Variants in SPTLC1 observed in about 807,000 individuals in gnomAD.
The protein encoded by SPTLC1 is serine palmitoyltransferase 1.
SPTLC1 carries 55 observed loss-of-function variants against 68.9 expected under a neutral mutation model. That is an observed-to-expected ratio of 0.80 (90% CI 0.64 to 1.00). The LOEUF is 1.00. SPTLC1 is among the 50% of genes least tolerant of loss of function. The pLI, the probability that SPTLC1 is intolerant of heterozygous loss-of-function variation, is 0.00. For synonymous variants in SPTLC1, 197 were observed against 201.6 expected (o/e 0.98, Z 0.19); for missense variants, 449 against 573.1 (o/e 0.78, Z 2.21).
chr9:92,037,711 A>G lies in SPTLC1; in HGVS notation c.1254+537T>C, dbSNP rs1056070157. Among the ~76,000 whole-genome samples the G allele has an allele frequency of 5.3e-5, 8 of 152,310 alleles. No homozygotes were observed. In the East Asian group the frequency reaches 1.5e-3, roughly 29 times the overall value. On this transcript the variant is annotated intron_variant, in intron 13 of 14. Coordinates refer to ENST00000262554, the MANE Select transcript of SPTLC1 (RefSeq NM_006415.4). ...TTAGTAGTAAAATAACTTTTGGAAG[A>G]TAAAGAAATTTAAATAAATCTCCCC...
intron 3 of SPTLC1, among the ~76,000 whole-genome samples, chr9:92,089,227 A>G (rs1479269054): frequency 6.6e-6 from 1 of 152,172 alleles, no homozygotes; most frequent in Non-Finnish European, 1.5e-5. Context: ...CCTGACCAAC[A>G]TGGTGAGACC....
At chr9:92,104,356 T>C in intron 3 of SPTLC1, 2 of 1,390,800 alleles carry the variant, frequency 1.4e-6, no homozygotes, top group East Asian at 2.6e-5. Flanking sequence ...CTGGGGCCGT[T>C]TCCCACTCCT....
intron 6 of SPTLC1, among the ~76,000 whole-genome samples, chr9:92,066,851 G>A (rs1834302493): frequency 6.6e-6 from 1 of 151,298 alleles, no homozygotes; most frequent in Non-Finnish European, 1.5e-5. Flanking sequence ...TTGGTGGTGG[G>A]TGCCTGTGGT....
At chr9:92,039,655 C>T (rs182133209) in intron 12 of SPTLC1, among the ~76,000 whole-genome samples, 179 of 152,182 alleles carry the variant, frequency 1.2e-3, no homozygotes, top group Non-Finnish European at 2.2e-3. Context: ...TCACCTAAAA[C>T]GATTTGTTTT....
intron 5 of SPTLC1, among the ~76,000 whole-genome samples, chr9:92,078,485 G>A (rs1310726410): frequency 6.6e-6 from 1 of 152,138 alleles, no homozygotes; most frequent in East Asian, 1.9e-4. Context: ...TTTTGAGATG[G>A]TCTCACTCTG....
At chr9:92,049,548 T>TATATAGA (rs1833637034) in intron 9 of SPTLC1, among the ~76,000 whole-genome samples, 1 of 152,174 alleles carries the variant, frequency 6.6e-6, no homozygotes, top group South Asian at 2.1e-4. Context: ...ACAAACACAT[T>TATATAGA]ATATAGAATA....
rs571974805 is a variant in SPTLC1, at chr9:92,087,953, G to A, written c.261-6990C>T. On this transcript the variant is annotated intron_variant, in intron 3 of 14. Transcript: ENST00000262554. ...ACCTAAGCAAGCCTGGGCAATGGCGGGCGCCCCTCTCCCGGCCTCGCTGCC... is the reference window on the plus strand; with the variant it reads ...ACCTAAGCAAGCCTGGGCAATGGCGAGCGCCCCTCTCCCGGCCTCGCTGCC... 2.0e-5 allele frequency among the ~76,000 whole-genome samples: 3 copies of A among 152,374 alleles called. No homozygotes were observed. The South Asian group carries it at 6.2e-4, about 32-fold the overall frequency.
chr9:92,041,028 C>T (rs1193318635), intron 12 of SPTLC1, among the ~76,000 whole-genome samples: 1 of 152,140 alleles, frequency 6.6e-6, no homozygotes, highest in Non-Finnish European at 1.5e-5. Flanking sequence ...TCATCTTATC[C>T]CAGTGGATAA....
chr9:92,052,534 ATT>A (rs201242481), intron 8 of SPTLC1, among the ~76,000 whole-genome samples: 1 of 147,474 alleles, frequency 6.8e-6, no homozygotes, highest in Non-Finnish European at 1.5e-5. Context: ...TATTATTATT[ATT>A]TTTTTTTTTT....
rs1460168902 is a variant in SPTLC1 at position 92,038,229 on chromosome 9, C to G, written c.1254+19G>C. 1 of 1,550,320 alleles carries G rather than the reference C, an allele frequency of 6.5e-7. No individual in the cohort carries two copies. Among genetic ancestry groups the G allele is most frequent in the Non-Finnish European group, 8.9e-7 (1 of 1,121,888 alleles). ...GCAGAAGTGGTGTGGGGGGATGCCT[C>G]AAGTCAACGGATACTTACTTGATCT... is the stretch of plus-strand genomic sequence containing the variant. On this transcript the variant is annotated intron_variant, in intron 13 of 14. Coordinates refer to ENST00000262554, the MANE Select transcript of SPTLC1 (RefSeq NM_006415.4).
At chr9:92,106,472 CAAAAAAA>C (rs34928872) in intron 3 of SPTLC1, among the ~76,000 whole-genome samples, 1 of 68,374 alleles carries the variant, frequency 1.5e-5, no homozygotes, top group Non-Finnish European at 3.2e-5. Context: ...GACTCCGTCT[CAAAAAAA>C]AAAAAAAAAA....
intron 3 of SPTLC1, among the ~76,000 whole-genome samples, chr9:92,087,991 G>C (rs536766720): frequency 3.3e-5 from 5 of 152,226 alleles, no homozygotes; most frequent in Non-Finnish European, 5.9e-5. Context: ...CTTGCAGTTT[G>C]ATCTCAGATT....
At position 92,097,813 on chromosome 9, in the gene SPTLC1, T is replaced by A. The variant is rs114122915; in HGVS notation, c.260+10927A>T. Among the ~76,000 whole-genome samples, 832 of 152,328 alleles carry A rather than the reference T, an allele frequency of 5.5e-3. 7 individuals are homozygous for A. Among genetic ancestry groups the A allele is most frequent in the African/African-American group, 0.019 (784 of 41,568 alleles). On this transcript the variant is annotated intron_variant, in intron 3 of 14. Coordinates refer to ENST00000262554, the MANE Select transcript of SPTLC1 (RefSeq NM_006415.4). ...ATACACTTCAAAATGACAGATTTTATGGTATATAGATTACGTATCAATACA... is the reference window on the plus strand; with the variant it reads ...ATACACTTCAAAATGACAGATTTTAAGGTATATAGATTACGTATCAATACA...
At chr9:92,114,751 AAAT>A (rs1488981782) in intron 1 of SPTLC1, among the ~76,000 whole-genome samples, 61 of 103,390 alleles carry the variant, frequency 5.9e-4, no homozygotes, top group Non-Finnish European at 1.2e-3. Flanking sequence ...AAAAAAACAA[AAAT>A]AAATAAATAA....
At chr9:92,111,841 A>G (rs1233767064) in intron 2 of SPTLC1, 2 of 153,018 alleles carry the variant, frequency 1.3e-5, no homozygotes, top group East Asian at 1.9e-4. Context: ...ACACTGCTAG[A>G]AATACCATGT....
intron 2 of SPTLC1, 78 bp from the exon 3 acceptor site, chr9:92,108,912 CTTA>C (rs1438106103): frequency 4.4e-6 from 7 of 1,584,586 alleles, no homozygotes; most frequent in African/African-American, 2.7e-5. Context: ...TTCAGTATTT[CTTA>C]TTATTCTAAT....
intron 13 of SPTLC1, 124 bp downstream of exon 13, chr9:92,038,124 C>A: frequency 1.3e-6 from 1 of 786,936 alleles, no homozygotes; most frequent in Non-Finnish European, 2.3e-6. Flanking sequence ...TCACCAGCAT[C>A]TTCCTTTCTA....
At chr9:92,073,001 G>A (rs1032247493) in intron 5 of SPTLC1, among the ~76,000 whole-genome samples, 4 of 147,022 alleles carry the variant, frequency 2.7e-5, no homozygotes, top group African/African-American at 1.0e-4. Context: ...CCTCAGAACC[G>A]AGTTCTACCC....
Position 92,085,685 on chromosome 9 carries a change from G to A in SPTLC1, c.261-4722C>T, listed in dbSNP as rs527524260. Among the ~76,000 whole-genome samples the A allele has an allele frequency of 3.9e-3, 596 of 151,744 alleles. 5 individuals carry two copies. The highest frequency in any genetic ancestry group is 0.014 in the African/African-American group (564 of 41,324). ...AACTATGTGGTCAATTTTGGAATAG[G>A]TGTGGTGTGGTGCTGAAAAAAATGT... On this transcript the variant is annotated intron_variant, in intron 3 of 14. Transcript: ENST00000262554.
Sources: allele counts gnomAD v4.1 joint callset (sites outside exome capture counted in the v4.1 genomes callset), GRCh38; gene constraint gnomAD v4.1.1; transcripts MANE v1.5; gene names NCBI Gene and HGNC (gene_info 2026-07-23, HGNC 2026-07-21).